MDN1: variants seen among roughly 807,000 people sequenced by gnomAD.
MDN1 encodes the protein midasin.
A neutral mutation model predicts 669.2 loss-of-function variants in MDN1; 266 were observed. The ratio of observed to expected loss-of-function variants is 0.40; its 90% CI spans 0.36 to 0.44. The LOEUF (loss-of-function observed/expected upper bound fraction) is 0.44. MDN1 is among the 20% of genes least tolerant of loss of function. MDN1 has a pLI of 1.00. For missense variants in MDN1, 5,940 were observed against 6,754.0 expected, an observed-to-expected ratio of 0.88 and a Z score of 4.22; for synonymous variants, 2,385 against 2,457.1, an observed-to-expected ratio of 0.97 and a Z score of 0.87.
chr6:89,794,610 G>C lies in MDN1; in HGVS notation c.521C>G (p.Pro174Arg). 1 of 1,613,482 alleles carries C rather than the reference G, an allele frequency of 6.2e-7. No individual in the cohort carries two copies. Among genetic ancestry groups the C allele is most frequent in the Non-Finnish European group, 8.5e-7 (1 of 1,180,034 alleles). Reference sequence around the variant, plus strand: ...CAAGGTGTCATGGCTTCTGAGGAGAGGGACACACACACTCCAGTCCCAGAG... The same window carrying C: ...CAAGGTGTCATGGCTTCTGAGGAGACGGACACACACACTCCAGTCCCAGAG... Reference protein sequence around the residue: ...RELWDWSVCVPLLRSHDTLVR... With the variant: ...RELWDWSVCVRLLRSHDTLVR... The change falls in exon 3 of 102, where the codon CCT (proline) becomes CGT (arginine). Residue 174 changes from proline (P) to arginine (R), a missense_variant. By Grantham distance (103) the Pro-to-Arg change is moderately radical. This residue lies in a region of MDN1 where 1,203 missense variants were observed against 1,268.9 expected (regional missense o/e 0.95). Coordinates refer to ENST00000369393, the MANE Select transcript of MDN1 (RefSeq NM_014611.3).
Position 89,648,076 on chromosome 6 carries a change from G to T in MDN1, c.16351C>A (p.Leu5451Ile), listed in dbSNP as rs1258370532. The change falls in exon 99 of 102, where the codon CTA becomes ATA. Residue 5451 changes from leucine to isoleucine, a missense_variant. By Grantham distance (5) the Leu-to-Ile change is conservative. Transcript: ENST00000369393. ...TTTTGTTGGAATTTGCAGAGACGTA[G>T]AATCTGGGACCCAGAGTAATCACTG... Reference protein sequence around the residue: ...QFSDYSGSQILRLCKFQQKKT... With the variant: ...QFSDYSGSQIIRLCKFQQKKT... 1 of 1,614,066 alleles carries T rather than the reference G, an allele frequency of 6.2e-7. No homozygotes were observed. Among genetic ancestry groups the T allele is most frequent in the African/African-American group, 1.3e-5 (1 of 74,950 alleles).
rs764478363 is a variant in MDN1 at position 89,652,331 on chromosome 6, A to G, written c.15826-50T>C. On this transcript the variant is annotated intron_variant, in intron 94 of 101. Transcript: ENST00000369393. ...GAGGTGGCCCAGGTTGGAATCACCA[A>G]CTTAGTATCACTGGGTGTCTTCCGC... 5.9e-6 allele frequency: 8 copies of G among 1,355,178 alleles called. No individual in the cohort carries two copies. In the African/African-American group the frequency reaches 1.0e-4, roughly 17 times the overall value. 83.9% of individuals were successfully genotyped at this position (1,355,178 alleles called of 1,614,324 possible). A position where few individuals can be genotyped will look rare whatever the true frequency, so the allele number is the denominator to read the frequency against.
intron 73 of MDN1, among the ~76,000 whole-genome samples, chr6:89,682,252 C>T (rs1033989719): frequency 1.3e-5 from 2 of 152,348 alleles, no homozygotes; most frequent in South Asian, 2.1e-4. Context: ...TATTCTTAAA[C>T]TGATGCTTCA....
rs747404341 is a variant in MDN1, at chr6:89,758,421, C to T, written c.2606-70G>A. 1.5e-4 allele frequency: 189 copies of T among 1,288,238 alleles called. 3 individuals carry two copies. The Admixed American group carries it at 1.7e-3, about 12-fold the overall frequency. The allele number at this position is 1,288,238 out of a possible 1,614,324, so 79.8% of individuals were successfully genotyped here. ...TAATTCCACAGAACCCCAGGCCCAG[C>T]CAGCCTGATGCTGGCTGCTCACACC... On this transcript the variant is annotated intron_variant, in intron 18 of 101. Transcript: ENST00000369393.
Position 89,743,258 on chromosome 6 carries a change from A to T in MDN1, c.4340T>A (p.Leu1447His). 6.2e-7 allele frequency: 1 copy of T among 1,614,106 alleles called. No individual in the cohort carries two copies. The change falls in exon 31 of 102, where the codon CTC becomes CAC. Residue 1447 changes from leucine (L) to histidine (H), a missense_variant. Physicochemically the swap from Leu to His is moderately conservative, Grantham distance 99 (BLOSUM62 -3). Transcript: ENST00000369393. Reference protein sequence around the residue: ...NDKEEIDTSRLFEWHDGPLVQ... With the variant: ...NDKEEIDTSRHFEWHDGPLVQ... ...CAGAGGCCCATCATGCCACTCAAAGAGTCTTGATGTGTCAATTTCTTCCTA... is the reference window on the plus strand; with the variant it reads ...CAGAGGCCCATCATGCCACTCAAAGTGTCTTGATGTGTCAATTTCTTCCTA...
intron 44 of MDN1, 129 bp downstream of exon 44, chr6:89,716,521 G>T: frequency 1.1e-6 from 1 of 951,210 alleles, no homozygotes; most frequent in Non-Finnish European, 1.5e-6. Flanking sequence ...TACAGAATAT[G>T]GCTGAGGACG....
chr6:89,692,244 T>A (rs913109757), intron 63 of MDN1, among the ~76,000 whole-genome samples, 199 bp downstream of exon 63: 1 of 152,154 alleles, frequency 6.6e-6, no homozygotes, highest in South Asian at 2.1e-4. Context: ...CATTTTTTTT[T>A]AATCTCTTAA....
chr6:89,663,978 T>C (rs1810003690), intron 85 of MDN1, among the ~76,000 whole-genome samples: 1 of 151,336 alleles, frequency 6.6e-6, no homozygotes, highest in Non-Finnish European at 1.5e-5. Flanking sequence ...AAAAGCAGAC[T>C]ACAGAACGGT....
At position 89,754,932 on chromosome 6, in the gene MDN1, A is replaced by C. The variant is rs973773513; in HGVS notation, c.2817-702T>G. Among the ~76,000 whole-genome samples the C allele has an allele frequency of 5.1e-4, 78 of 152,240 alleles. 1 individual carries two copies. The highest frequency in any genetic ancestry group is 1.8e-3 in the African/African-American group (75 of 41,558). On this transcript the variant is annotated intron_variant, in intron 20 of 101. Coordinates refer to ENST00000369393, the MANE Select transcript of MDN1 (RefSeq NM_014611.3). ...ATAGCAAAAATACACAAATATTTTCAAAATATTTTCAAAATATTTCAAAAT... is the reference window on the plus strand; with the variant it reads ...ATAGCAAAAATACACAAATATTTTCCAAATATTTTCAAAATATTTCAAAAT...
chr6:89,650,255 TTATTA>T, intron 96 of MDN1, 57 bp from the exon 97 acceptor site: 1 of 1,519,758 alleles, frequency 6.6e-7, no homozygotes, highest in Non-Finnish European at 9.0e-7. Context: ...CTGAGAATTT[TTATTA>T]AGGACAAAAA....
At chr6:89,659,492 G>A (rs1006549422) in intron 88 of MDN1, among the ~76,000 whole-genome samples, 5 of 152,190 alleles carry the variant, frequency 3.3e-5, no homozygotes, top group Non-Finnish European at 7.3e-5. Flanking sequence ...GTTTGCAATC[G>A]AGAGCTTATG....
chr6:89,646,635 A>AACT (rs1808506930), intron 99 of MDN1, 32 bp from the exon 100 acceptor site: 1 of 1,573,108 alleles, frequency 6.4e-7, no homozygotes, highest in African/African-American at 1.3e-5. Flanking sequence ...ACAATTAGAA[A>AACT]ACTATGTGAA....
chr6:89,784,299 A>G (rs1214685158), intron 9 of MDN1, among the ~76,000 whole-genome samples: 1 of 152,138 alleles, frequency 6.6e-6, no homozygotes, highest in African/African-American at 2.4e-5. Flanking sequence ...CTGGGCAACA[A>G]GAGCGAAACT....
Position 89,819,537 on chromosome 6 carries a change from C to G in MDN1, c.71G>C (p.Arg24Pro), listed in dbSNP as rs1413960592. The G allele has an allele frequency of 6.2e-7, 1 of 1,605,544 alleles. No individual in the cohort carries two copies. Among genetic ancestry groups the G allele is most frequent in the Non-Finnish European group, 8.5e-7 (1 of 1,179,978 alleles). ...RLIAAKNEKS[R>P]SELGRFLAKQ... ...GGCCAAGAACCTGCCCAACTCACTG[C>G]GGCTCTTCTCGTTCTTGGCTGCGAT... Residue 24 changes from arginine to proline, a missense_variant, in exon 1 of 102, where the codon CGC becomes CCC. By Grantham distance (103) the Arg-to-Pro change is moderately radical. Transcript: ENST00000369393.
chr6:89,758,384 G>C, intron 18 of MDN1, 33 bp from the exon 19 acceptor site: 4 of 1,533,088 alleles, frequency 2.6e-6, no homozygotes, highest in Non-Finnish European at 3.6e-6. Context: ...TCTCAACAAA[G>C]GTATGATTAT....
chr6:89,810,017 A>ATAAACAT (rs1207643835), intron 1 of MDN1, among the ~76,000 whole-genome samples: 1 of 122,594 alleles, frequency 8.2e-6, no homozygotes, highest in Non-Finnish European at 2.0e-5. Flanking sequence ...AAAAAAAAAA[A>ATAAACAT]AAAAAAAAAT....
At position 89,754,359 on chromosome 6, in the gene MDN1, G is replaced by T. The variant is rs957309611; in HGVS notation, c.2817-129C>A. On this transcript the variant is annotated intron_variant, in intron 20 of 101. Coordinates refer to ENST00000369393, the MANE Select transcript of MDN1 (RefSeq NM_014611.3). The stretch of plus-strand genomic sequence containing the variant: ...TCATGCACACAACTTCCTGGGGCAT[G>T]CATCAAAATATCTTAGTCTCTTTTA... 5 of 868,310 alleles carry T rather than the reference G, an allele frequency of 5.8e-6. No individual in the cohort carries two copies. In the East Asian group the frequency reaches 1.1e-4, roughly 19 times the overall value. 53.8% of individuals were successfully genotyped at this position (868,310 alleles called of 1,614,324 possible). A position where few individuals can be genotyped will look rare whatever the true frequency, so the allele number is the denominator to read the frequency against.
Position 89,713,164 on chromosome 6 carries a change from G to A in MDN1, c.7202C>T (p.Ser2401Leu), listed in dbSNP as rs1368380722. ...CWEVYVCSQH[S>L]PANRKLVQAL... The stretch of plus-strand genomic sequence containing the variant: ...TCATAGTACCTTCCGGTTTGCTGGT[G>A]AATGCTGGGAACAGACATATACTTC... The change falls in exon 47 of 102, where the codon TCA (serine) becomes TTA (leucine). Residue 2401 changes from serine (S) to leucine (L), a missense_variant. Physicochemically the swap from Ser to Leu is moderately radical, Grantham distance 145. Coordinates refer to ENST00000369393, the MANE Select transcript of MDN1 (RefSeq NM_014611.3). The A allele has an allele frequency of 6.2e-7, 1 of 1,612,840 alleles. No homozygotes were observed. Among genetic ancestry groups the A allele is most frequent in the Non-Finnish European group, 8.5e-7 (1 of 1,179,740 alleles).
At chr6:89,652,448 A>G (rs567212790) in intron 94 of MDN1, among the ~76,000 whole-genome samples, 167 bp from the exon 95 acceptor site, 1 of 152,358 alleles carries the variant, frequency 6.6e-6, no homozygotes, top group East Asian at 1.9e-4. Context: ...AAGATGCCAG[A>G]CAAGCATTCT....
Sources: gnomAD v4.1 joint callset for allele counts (sites outside exome capture counted in the v4.1 genomes callset) on GRCh38, gnomAD v4.1.1 for gene constraint, gnomAD v4.1.1 regional missense constraint, MANE v1.5 for transcripts, NCBI Gene and HGNC (gene_info 2026-07-23, HGNC 2026-07-21) for gene names.